Variants in PTBP1 observed in about 807,000 individuals in gnomAD.
The protein encoded by PTBP1 is polypyrimidine tract binding protein 1.
In PTBP1, 8 loss-of-function variants were observed where a neutral mutation model predicts 59.8. The observed-to-expected ratio is 0.13, with a 90% CI of 0.08 to 0.24. The LOEUF (loss-of-function observed/expected upper bound fraction) is 0.24. Ranked by LOEUF, PTBP1 falls within the 10% of genes least tolerant of loss-of-function variation. The pLI is 1.00. For synonymous variants in PTBP1, 490 were observed against 320.7 expected (o/e 1.53, Z -5.64); for missense variants, 686 against 767.0 (o/e 0.89, Z 1.25).
At chr19:804,254 G>A in intron 4 of PTBP1, 38 bp from the exon 5 acceptor site, 1 of 1,611,814 alleles carries the variant, frequency 6.2e-7, no homozygotes, top group Non-Finnish European at 8.5e-7. Context: ...GTGCAGGCGG[G>A]GACGAGGAGG....
intron 13 of PTBP1, among the ~76,000 whole-genome samples, chr19:809,103 G>T (rs1288968790): frequency 6.6e-6 from 1 of 152,054 alleles, no homozygotes; most frequent in Non-Finnish European, 1.5e-5. Flanking sequence ...CCGCCTCTTG[G>T]GTTCAAGTGA....
chr19:799,315 G>T, intron 1 of PTBP1, 98 bp from the exon 2 acceptor site: 2 of 1,115,758 alleles, frequency 1.8e-6, no homozygotes, highest in Non-Finnish European at 2.8e-6. Context: ...GGTGGCAGCT[G>T]CAGGGACCTA....
intron 1 of PTBP1, among the ~76,000 whole-genome samples, chr19:798,235 G>T (rs1014027897): frequency 5.9e-5 from 9 of 152,238 alleles, no homozygotes; most frequent in African/African-American, 2.2e-4. Context: ...CCGTCATGGG[G>T]AGGGGCCTTC....
intron 3 of PTBP1, 67 bp downstream of exon 3, chr19:803,703 T>C (rs2145041608): frequency 7.1e-7 from 1 of 1,404,802 alleles, no homozygotes; most frequent in East Asian, 2.3e-5. Flanking sequence ...GTTACGTTCT[T>C]GTTCTGGGAC....
chr19:803,018 T>C (rs986198927), intron 2 of PTBP1, among the ~76,000 whole-genome samples: 3 of 152,198 alleles, frequency 2.0e-5, no homozygotes, highest in African/African-American at 7.2e-5. Context: ...CGGGTTTCTT[T>C]TCCGGGCTGG....
Position 803,580 on chromosome 19 carries a change from T to C in PTBP1, c.59T>C (p.Phe20Ser). 1 of 1,614,126 alleles carries C rather than the reference T, an allele frequency of 6.2e-7. No individual in the cohort carries two copies. Among genetic ancestry groups the C allele is most frequent in the Non-Finnish European group, 8.5e-7 (1 of 1,179,992 alleles). ...VGTKRGSDEL[F>S]STCVTNGPFI... is the part of the protein sequence containing the mutation. ...TTGCAGCGGGGATCTGACGAGCTTT[T>C]CTCTACTTGTGTCACTAACGGACCG... is the stretch of plus-strand genomic sequence containing the variant. Residue 20 changes from phenylalanine to serine, a missense_variant, in exon 3 of 15, where the codon TTC becomes TCC. Phe to Ser is a radical substitution (Grantham distance 155). Transcript: ENST00000356948.
Position 808,239 on chromosome 19 carries a change from C to A in PTBP1, c.1154-121C>A. The stretch of plus-strand genomic sequence containing the variant: ...CTGCGAGACGCAGCTCCGCAGTGGC[C>A]GATAAAGCAAACCCGGCCGGGCTGA... On this transcript the variant is annotated intron_variant, in intron 11 of 14. Coordinates refer to ENST00000356948, the MANE Select transcript of PTBP1 (RefSeq NM_002819.5). The surrounding 1 kb of genome is among the most constrained non-coding windows in gnomAD (Gnocchi z 4.7). 1.2e-6 allele frequency: 1 copy of A among 847,122 alleles called. No individual in the cohort carries two copies. The highest frequency in any genetic ancestry group is 1.9e-6 in the Non-Finnish European group (1 of 525,068). 52.5% of individuals were successfully genotyped at this position (847,122 alleles called of 1,614,324 possible). A position where few individuals can be genotyped will look rare whatever the true frequency, so the allele number is the denominator to read the frequency against.
rs1460007167 is a variant in PTBP1 at position 811,081 on chromosome 19, G to T, written c.*255G>T. 7.6e-6 allele frequency: 3 copies of T among 396,028 alleles called. No individual in the cohort carries two copies. Among genetic ancestry groups the T allele is most frequent in the African/African-American group, 2.1e-5 (1 of 47,692 alleles). 24.5% of individuals were successfully genotyped at this position (396,028 alleles called of 1,614,324 possible). On this transcript the variant is annotated 3_prime_UTR_variant, in exon 15 of 15. Transcript: ENST00000356948. ...TCCACACCCGGGGCCAGACCCTCGG[G>T]GCCATGCCTTGGTGGGGCCTGTGTC...
At position 803,775 on chromosome 19, in the gene PTBP1, C is replaced by G. The variant is rs910338132; in HGVS notation, c.115+139C>G. On this transcript the variant is annotated intron_variant, in intron 3 of 14. Transcript: ENST00000356948. ...CACGCTACAGACCCAGGTCCAAGTT[C>G]TCGCTGCAGAGAATTTCCAGGGAGG... 8 of 857,450 alleles carry G rather than the reference C, an allele frequency of 9.3e-6. No homozygotes were observed. In the Admixed American group the frequency reaches 1.2e-4, roughly 13 times the overall value. 53.1% of individuals were successfully genotyped at this position (857,450 alleles called of 1,614,324 possible).
At position 808,111 on chromosome 19, in the gene PTBP1, C is replaced by T; in HGVS notation, c.1153+209C>T. On this transcript the variant is annotated intron_variant, in intron 11 of 14. Coordinates refer to ENST00000356948, the MANE Select transcript of PTBP1 (RefSeq NM_002819.5). This position sits in a 1 kb window ranked among gnomAD's most constrained non-coding sequence, Gnocchi z 4.7. Reference sequence around the variant, plus strand: ...GCCCTGCATGCTTTTCAGAGTTAGACCTGTCGGTGGCATATGCCACCGTGG... The same window carrying T: ...GCCCTGCATGCTTTTCAGAGTTAGATCTGTCGGTGGCATATGCCACCGTGG... The T allele has an allele frequency of 1.6e-6, 1 of 637,210 alleles. No homozygotes were observed. Among genetic ancestry groups the T allele is most frequent in the Non-Finnish European group, 2.8e-6 (1 of 357,116 alleles). The allele number at this position is 637,210 out of a possible 1,614,324, so 39.5% of individuals were successfully genotyped here. A position where few individuals can be genotyped will look rare whatever the true frequency, so the allele number is the denominator to read the frequency against.
Position 805,530 on chromosome 19 carries a change from G to A in PTBP1, c.931G>A (p.Ala311Thr). The change falls in exon 9 of 15, where the codon GCT becomes ACT. Residue 311 changes from alanine to threonine, a missense_variant. Physicochemically the swap from Ala to Thr is moderately conservative, Grantham distance 58. Coordinates refer to ENST00000356948, the MANE Select transcript of PTBP1 (RefSeq NM_002819.5). The stretch of plus-strand genomic sequence containing the variant: ...AATCTCAGCCTCTCCGTATGCAGGA[G>A]CTGGTTTCCCTCCCACCTTTGCCAT... ...GIISASPYAG[A>T]GFPPTFAIPQ... is the part of the protein sequence containing the mutation. The A allele has an allele frequency of 6.2e-7, 1 of 1,613,956 alleles. No individual in the cohort carries two copies. Among genetic ancestry groups the A allele is most frequent in the Non-Finnish European group, 8.5e-7 (1 of 1,179,814 alleles).
intron 1 of PTBP1, among the ~76,000 whole-genome samples, chr19:798,984 G>T (rs1373883691): frequency 6.6e-6 from 1 of 152,260 alleles, no homozygotes; most frequent in African/African-American, 2.4e-5. Flanking sequence ...ACCCCTACCC[G>T]GGTGGAAGCT....
chr19:811,614 T>G lies in PTBP1; in HGVS notation c.*788T>G, dbSNP rs902434315. On this transcript the variant is annotated 3_prime_UTR_variant, in exon 15 of 15. Transcript: ENST00000356948. ...GTGGTATTACCTTGTATGCTGTTACTTTTATTTTATTCCTTGTAATTAAGT... is the reference window on the plus strand; with the variant it reads ...GTGGTATTACCTTGTATGCTGTTACGTTTATTTTATTCCTTGTAATTAAGT... 2.0e-5 allele frequency: 3 copies of G among 152,370 alleles called. No homozygotes were observed. The highest frequency in any genetic ancestry group is 7.2e-5 in the African/African-American group (3 of 41,468). 9.4% of individuals were successfully genotyped at this position (152,370 alleles called of 1,614,324 possible).
At position 810,643 on chromosome 19, in the gene PTBP1, C is replaced by T. The variant is rs768648947; in HGVS notation, c.1541+23C>T. The T allele has an allele frequency of 5.6e-6, 9 of 1,612,500 alleles. No homozygotes were observed. In the Admixed American group the frequency reaches 1.3e-4, roughly 24 times the overall value. ...CCAGTGAGTATGAGGCGGGCTGTCC[C>T]TGGCTCTCCCCAGGCTGCCCTGCGG... is the stretch of plus-strand genomic sequence containing the variant. On this transcript the variant is annotated intron_variant, in intron 14 of 14. Transcript: ENST00000356948.
chr19:803,725 T>C (rs1464540939), intron 3 of PTBP1, 89 bp downstream of exon 3: 38 of 1,214,028 alleles, frequency 3.1e-5, no homozygotes, highest in South Asian at 2.3e-4. Flanking sequence ...CTACTTTCCA[T>C]CTCCAACTGC....
At chr19:799,113 G>C (rs1304130832) in intron 1 of PTBP1, among the ~76,000 whole-genome samples, 1 of 152,236 alleles carries the variant, frequency 6.6e-6, no homozygotes, top group Admixed American at 6.5e-5. Context: ...CGGGGCTTCC[G>C]ATGGGGGTGT....
chr19:806,425 G>A lies in PTBP1; in HGVS notation c.988G>A (p.Val330Ile), dbSNP rs2145056750. Residue 330 changes from valine to isoleucine, a missense_variant, in exon 10 of 15, where the codon GTC becomes ATC. Transcript: ENST00000356948. ...TTTTCCAGGCCTTTCCGTTCCGAAC[G>A]TCCACGGCGCCCTGGCCCCCCTGGC... The part of the protein sequence containing the change: ...PQAAGLSVPN[V>I]HGALAPLAIP... 2 of 1,602,552 alleles carry A rather than the reference G, an allele frequency of 1.2e-6. No individual in the cohort carries two copies. The highest frequency in any genetic ancestry group is 1.4e-5 in the African/African-American group (1 of 73,512).
intron 10 of PTBP1, chr19:807,597 C>T: frequency 2.4e-6 from 1 of 422,292 alleles, no homozygotes; most frequent in Non-Finnish European, 4.2e-6. Context: ...TCCGGAATTT[C>T]TTTGCCAACT....
chr19:803,668 C>T lies in PTBP1; in HGVS notation c.115+32C>T, dbSNP rs375019236. On this transcript the variant is annotated intron_variant, in intron 3 of 14. Coordinates refer to ENST00000356948, the MANE Select transcript of PTBP1 (RefSeq NM_002819.5). ...CCGGGACTCGGCCCAGGGCAAGACC[C>T]GTGGGTGTCTTTCCCTGGAACAACG... is the stretch of plus-strand genomic sequence containing the variant. The T allele has an allele frequency of 4.7e-5, 75 of 1,581,242 alleles. No individual in the cohort carries two copies. In the African/African-American group the frequency reaches 6.6e-4, roughly 14 times the overall value.
Sources: gnomAD v4.1 joint callset for allele counts (sites outside exome capture counted in the v4.1 genomes callset) on GRCh38, gnomAD v4.1.1 for gene constraint, Gnocchi (gnomAD v3.1) non-coding constraint, MANE v1.5 for transcripts, NCBI Gene and HGNC (gene_info 2026-07-23, HGNC 2026-07-21) for gene names.